Variants in DENND2B observed in about 807,000 individuals in gnomAD.
DENND2B encodes the protein DENN domain-containing protein 2B.
DENND2B carries 32 observed loss-of-function variants against 116.0 expected under a neutral mutation model. That is an observed-to-expected ratio of 0.28 (90% CI 0.21 to 0.37). The LOEUF (loss-of-function observed/expected upper bound fraction) is 0.37, where lower values mean the gene tolerates loss of function less well. Ranked by LOEUF, DENND2B falls within the 10% of genes least tolerant of loss-of-function variation. DENND2B has a pLI of 1.00. For missense variants in DENND2B, 1,276 were observed against 1,477.7 expected, an observed-to-expected ratio of 0.86 and a Z score of 2.24; for synonymous variants, 588 against 583.9, an observed-to-expected ratio of 1.01 and a Z score of -0.10.
intron 4 of DENND2B, chr11:8,831,440 C>T (rs2062201546): frequency 2.0e-5 from 3 of 152,554 alleles, no homozygotes; most frequent in Admixed American, 1.3e-4. Flanking sequence ...TCCCCACAGC[C>T]AGCCCCCACC....
chr11:8,889,168 A>C (rs991754591), intron 1 of DENND2B, among the ~76,000 whole-genome samples: 5 of 152,252 alleles, frequency 3.3e-5, no homozygotes, highest in Non-Finnish European at 7.3e-5. Context: ...TAAAATGTGG[A>C]AGCAACAAAA....
At chr11:8,838,019 C>G (rs563572697) in intron 4 of DENND2B, among the ~76,000 whole-genome samples, 1 of 152,222 alleles carries the variant, frequency 6.6e-6, no homozygotes, top group Admixed American at 6.5e-5. Context: ...CACAGCAAGC[C>G]GAGGCATGGA....
intron 1 of DENND2B, among the ~76,000 whole-genome samples, chr11:8,786,505 C>T (rs2134296240): frequency 6.6e-6 from 1 of 152,262 alleles, no homozygotes; most frequent in South Asian, 2.1e-4. Flanking sequence ...TCACAGCAAT[C>T]ACGTTAATGA....
At chr11:8,807,638 T>C (rs2060991490) in intron 1 of DENND2B, among the ~76,000 whole-genome samples, 1 of 151,802 alleles carries the variant, frequency 6.6e-6, no homozygotes, top group Admixed American at 6.6e-5. Flanking sequence ...AAAGAGGGAG[T>C]GAGAACAGGA....
At chr11:8,714,808 T>C (rs529617934) in intron 6 of DENND2B, 102 bp from the exon 7 acceptor site, 1 of 990,168 alleles carries the variant, frequency 1.0e-6, no homozygotes, top group South Asian at 1.5e-5. Context: ...TGGTACAAGC[T>C]TTCTGCATTG....
At chr11:8,819,344 C>A (rs1566014182) in intron 4 of DENND2B, among the ~76,000 whole-genome samples, 1 of 152,016 alleles carries the variant, frequency 6.6e-6, no homozygotes, top group Non-Finnish European at 1.5e-5. Flanking sequence ...CTGCAGTGGG[C>A]CATGATCATG....
chr11:8,748,152 C>T (rs980660681), intron 2 of DENND2B, among the ~76,000 whole-genome samples: 3 of 152,134 alleles, frequency 2.0e-5, no homozygotes, highest in Non-Finnish European at 4.4e-5. Context: ...CCCAGCTTTC[C>T]AAGGCCCCAA....
At chr11:8,864,587 C>T (rs529673625) in intron 2 of DENND2B, among the ~76,000 whole-genome samples, 1 of 152,278 alleles carries the variant, frequency 6.6e-6, no homozygotes, top group South Asian at 2.1e-4. Flanking sequence ...AATTTCTTAA[C>T]TTCATCCACT....
intron 3 of DENND2B, chr11:8,839,464 A>G (rs1272424667): frequency 6.6e-6 from 1 of 152,198 alleles, no homozygotes; most frequent in African/African-American, 2.4e-5. Context: ...AGGCTCTGAT[A>G]TTGACACTGT....
chr11:8,728,600 C>G (rs372403438), intron 3 of DENND2B, among the ~76,000 whole-genome samples: 1 of 148,388 alleles, frequency 6.7e-6, no homozygotes, highest in South Asian at 2.2e-4. Context: ...CTCTCCCCCC[C>G]ACTCCCTTTG....
intron 3 of DENND2B, among the ~76,000 whole-genome samples, chr11:8,843,091 A>G (rs1403056097): frequency 6.6e-6 from 1 of 151,780 alleles, no homozygotes; most frequent in African/African-American, 2.4e-5. Context: ...ATCTCGGCTC[A>G]CTGCAACATC....
intron 1 of DENND2B, among the ~76,000 whole-genome samples, chr11:8,888,110 T>C (rs1360270729): frequency 1.3e-5 from 2 of 152,214 alleles, no homozygotes; most frequent in Non-Finnish European, 2.9e-5. Context: ...ATTTTGGAAC[T>C]CTAGAGTCTA....
At chr11:8,740,862 C>T (rs1012138826) in intron 2 of DENND2B, among the ~76,000 whole-genome samples, 3 of 152,182 alleles carry the variant, frequency 2.0e-5, no homozygotes, top group Non-Finnish European at 2.9e-5. Flanking sequence ...ATTCTCACTG[C>T]GCTACCCTAA....
intron 1 of DENND2B, among the ~76,000 whole-genome samples, chr11:8,889,142 C>A (rs1208512837): frequency 5.3e-5 from 8 of 152,148 alleles, no homozygotes; most frequent in Non-Finnish European, 1.5e-5. Flanking sequence ...TTCATAGCAG[C>A]ATTATTTGCA....
chr11:8,710,793 A>ACACACACC (rs1242806095), intron 11 of DENND2B, 52 bp downstream of exon 11: 3 of 1,323,006 alleles, frequency 2.3e-6, no homozygotes, highest in African/African-American at 1.5e-5. Flanking sequence ...ACACACACAC[A>ACACACACC]CCCTGGCCTA....
intron 4 of DENND2B, among the ~76,000 whole-genome samples, chr11:8,822,841 C>T (rs1028531897): frequency 2.0e-5 from 3 of 152,222 alleles, no homozygotes; most frequent in African/African-American, 7.2e-5. Context: ...TAATGCAGTA[C>T]TTTCTTTGTA....
At chr11:8,905,708 G>A (rs1480626891) in intron 1 of DENND2B, among the ~76,000 whole-genome samples, 8 of 151,862 alleles carry the variant, frequency 5.3e-5, no homozygotes, top group African/African-American at 1.9e-4. Flanking sequence ...GAAAACATGT[G>A]TCCACACAAA....
rs192396913 is a variant in DENND2B, at chr11:8,731,758, C to T, written c.81-549G>A. Reference sequence around the variant, plus strand: ...TGAACAACCGGCTCTCTAGGGGCAACAGCAGATTGGTAGCACTTGCCAACT... The same window carrying T: ...TGAACAACCGGCTCTCTAGGGGCAATAGCAGATTGGTAGCACTTGCCAACT... On this transcript the variant is annotated intron_variant, in intron 2 of 19. Transcript: ENST00000313726. Among the ~76,000 whole-genome samples the T allele has an allele frequency of 3.4e-3, 520 of 152,284 alleles. 7 individuals carry two copies. Among genetic ancestry groups the T allele is most frequent in the Middle Eastern group, 0.027 (8 of 294 alleles).
chr11:8,740,750 C>T (rs1224088073), intron 2 of DENND2B, among the ~76,000 whole-genome samples: 2 of 152,060 alleles, frequency 1.3e-5, no homozygotes, highest in Non-Finnish European at 2.9e-5. Flanking sequence ...GGAAGGTGGC[C>T]GGCCATTCAG....
Sources: gnomAD v4.1 joint callset for allele counts (sites outside exome capture counted in the v4.1 genomes callset) on GRCh38, gnomAD v4.1.1 for gene constraint, MANE v1.5 for transcripts, NCBI Gene and HGNC (gene_info 2026-07-23, HGNC 2026-07-21) for gene names.